ABCC4: variants seen among roughly 807,000 people sequenced by gnomAD.
The protein encoded by ABCC4 is ATP binding cassette subfamily C member 4 (PEL blood group).
Under a neutral mutation model 168.5 loss-of-function variants are expected in ABCC4, and 102 were observed. That is an observed-to-expected ratio of 0.61 (90% CI 0.52 to 0.71). The LOEUF is 0.71. Among genes scored for constraint, ABCC4 ranks in the 30% least tolerant of loss-of-function variants. The pLI, the probability that ABCC4 is intolerant of heterozygous loss-of-function variation, is 0.00. For missense variants in ABCC4, 1,402 were observed against 1,605.8 expected (o/e 0.87, Z 2.17); for synonymous variants, 617 against 590.7 (o/e 1.04, Z -0.65).
intron 16 of ABCC4, 86 bp from the exon 17 acceptor site, chr13:95,163,733 C>T (rs1004294310): frequency 1.5e-5 from 18 of 1,162,840 alleles, no homozygotes; most frequent in African/African-American, 9.2e-5. Context: ...CATGGACAAC[C>T]GAAAGAAAGC....
intron 8 of ABCC4, among the ~76,000 whole-genome samples, chr13:95,199,128 A>T (rs1437644603): frequency 6.6e-6 from 1 of 152,228 alleles, no homozygotes; most frequent in East Asian, 1.9e-4. Context: ...ATAATAAAAA[A>T]ATTAAAATAG....
At chr13:95,113,047 T>C (rs2035257391) in intron 20 of ABCC4, among the ~76,000 whole-genome samples, 1 of 152,234 alleles carries the variant, frequency 6.6e-6, no homozygotes, top group Admixed American at 6.5e-5. Flanking sequence ...CAGATGCCCA[T>C]GCAATGGAGA....
chr13:95,175,942 C>G (rs1373869347), intron 13 of ABCC4, among the ~76,000 whole-genome samples: 1 of 152,154 alleles, frequency 6.6e-6, no homozygotes, highest in African/African-American at 2.4e-5. Context: ...CTATCCCCCA[C>G]CACAGGAACA....
At chr13:95,132,081 G>A (rs72642396) in intron 19 of ABCC4, among the ~76,000 whole-genome samples, 5,037 of 152,244 alleles carry the variant, frequency 0.033, 81 homozygotes, top group Middle Eastern at 0.061. Context: ...ATGGATAAAC[G>A]AAAGATGGTA....
chr13:95,153,819 A>T (rs1342093549), intron 19 of ABCC4, among the ~76,000 whole-genome samples: 8 of 152,184 alleles, frequency 5.3e-5, no homozygotes, highest in Non-Finnish European at 1.2e-4. Flanking sequence ...TTACATACAG[A>T]TTACTGACAA....
chr13:95,277,699 C>T (rs1028422530), intron 1 of ABCC4, among the ~76,000 whole-genome samples: 5 of 152,026 alleles, frequency 3.3e-5, no homozygotes, highest in Non-Finnish European at 5.9e-5. Context: ...GTGACAAGAG[C>T]AGGGTCAACA....
intron 1 of ABCC4, among the ~76,000 whole-genome samples, chr13:95,267,037 C>G (rs932145998): frequency 2.0e-5 from 3 of 151,974 alleles, no homozygotes; most frequent in African/African-American, 7.3e-5. Context: ...CCATGCCCAG[C>G]TAATTTGTTT....
intron 1 of ABCC4, among the ~76,000 whole-genome samples, chr13:95,263,365 T>C (rs1594403605): frequency 6.6e-6 from 1 of 152,336 alleles, no homozygotes; most frequent in East Asian, 1.9e-4. Flanking sequence ...GTGGAGACTT[T>C]ATAGAGCTCC....
chr13:95,290,103 A>AATAG (rs72443922), intron 1 of ABCC4, among the ~76,000 whole-genome samples: 31,274 of 113,254 alleles, frequency 0.28, 3,822 homozygotes, highest in African/African-American at 0.35. Context: ...TCTCAAAAAA[A>AATAG]ATAGATAGAT....
chr13:95,233,807 C>A (rs531290993), intron 4 of ABCC4, among the ~76,000 whole-genome samples: 3 of 152,228 alleles, frequency 2.0e-5, no homozygotes, highest in African/African-American at 7.2e-5. Context: ...CAATCCCCCA[C>A]GAATACCAAG....
chr13:95,196,758 A>G (rs2038467558), intron 8 of ABCC4, among the ~76,000 whole-genome samples: 1 of 151,750 alleles, frequency 6.6e-6, no homozygotes, highest in South Asian at 2.1e-4. Flanking sequence ...GGAAGGAAAG[A>G]AAGAAAAAAG....
intron 8 of ABCC4, among the ~76,000 whole-genome samples, chr13:95,202,319 A>T (rs1489362589): frequency 6.6e-6 from 1 of 152,202 alleles, no homozygotes; most frequent in African/African-American, 2.4e-5. Context: ...AGACAATTTT[A>T]TCAATCAATC....
chr13:95,237,927 G>A (rs1187313880), intron 3 of ABCC4, among the ~76,000 whole-genome samples: 1 of 152,102 alleles, frequency 6.6e-6, no homozygotes, highest in African/African-American at 2.4e-5. Flanking sequence ...AGGCGCGGTG[G>A]CTCCCACCTG....
intron 1 of ABCC4, among the ~76,000 whole-genome samples, chr13:95,255,684 A>AAG (rs2040375871): frequency 1.3e-5 from 2 of 152,098 alleles, no homozygotes; most frequent in Admixed American, 1.3e-4. Flanking sequence ...GCTTCACTCT[A>AAG]CTACCTGTTG....
intron 10 of ABCC4, 75 bp downstream of exon 10, chr13:95,188,378 G>A: frequency 7.5e-7 from 1 of 1,334,776 alleles, no homozygotes; most frequent in Non-Finnish European, 1.1e-6. Context: ...GTTACACGTA[G>A]CCTTGGGCTC....
chr13:95,144,764 C>A (rs1331271535), intron 19 of ABCC4, among the ~76,000 whole-genome samples: 1 of 152,048 alleles, frequency 6.6e-6, no homozygotes, highest in African/African-American at 2.4e-5. Flanking sequence ...AAATATATTC[C>A]ATGCTCATGG....
At chr13:95,212,070 G>A (rs569554776) in intron 4 of ABCC4, among the ~76,000 whole-genome samples, 140 of 151,572 alleles carry the variant, frequency 9.2e-4, no homozygotes, top group Non-Finnish European at 1.6e-3. Context: ...CCAGCTACTC[G>A]GGAGGCTGAG....
intron 11 of ABCC4, among the ~76,000 whole-genome samples, chr13:95,184,982 A>C (rs2038011941): frequency 6.6e-6 from 1 of 152,160 alleles, no homozygotes; most frequent in Non-Finnish European, 1.5e-5. Flanking sequence ...TTTCTGCAAA[A>C]TTTCTCTAAA....
chr13:95,284,906 C>CA (rs201029179), intron 1 of ABCC4, among the ~76,000 whole-genome samples: 2 of 124,904 alleles, frequency 1.6e-5, no homozygotes, highest in East Asian at 5.0e-4. Context: ...CTTAGAATAG[C>CA]CCCCCTGCCT....
Sources: allele counts gnomAD v4.1 joint callset (sites outside exome capture counted in the v4.1 genomes callset), GRCh38; gene constraint gnomAD v4.1.1; transcripts MANE v1.5; gene names NCBI Gene and HGNC (gene_info 2026-07-23, HGNC 2026-07-21).